The following AQR variants were observed in gnomAD, a reference collection of about 807,000 sequenced individuals.
AQR encodes RNA helicase aquarius.
AQR carries 61 observed loss-of-function variants against 180.5 expected under a neutral mutation model. The observed-to-expected ratio is 0.34, with a 90% CI of 0.28 to 0.42. The LOEUF (loss-of-function observed/expected upper bound fraction) is 0.42, where lower values mean the gene tolerates loss of function less well. AQR is among the 10% of genes least tolerant of loss of function. The pLI is 1.00. For missense variants in AQR, 1,281 were observed against 1,798.3 expected (o/e 0.71, Z 5.20); for synonymous variants, 551 against 588.8 (o/e 0.94, Z 0.93).
At chr15:34,890,051 AC>A (rs1032039662) in intron 24 of AQR, among the ~76,000 whole-genome samples, 163 bp downstream of exon 24, 3 of 152,236 alleles carry the variant, frequency 2.0e-5, no homozygotes, top group African/African-American at 7.2e-5. Flanking sequence ...GAACTGAGGG[AC>A]ATCATGACCA....
chr15:34,910,109 T>C (rs764783200), intron 17 of AQR, 26 bp downstream of exon 17: 23 of 1,610,738 alleles, frequency 1.4e-5, no homozygotes, highest in Middle Eastern at 1.6e-4. Context: ...CAAAAGGTAA[T>C]GTCACTTTTT....
chr15:34,912,238 T>C lies in AQR; in HGVS notation c.1485-1925A>G, dbSNP rs141282807. Among the ~76,000 whole-genome samples the C allele has an allele frequency of 3.5e-4, 53 of 152,274 alleles. 1 individual carries two copies. The East Asian group carries it at 8.7e-3, about 25-fold the overall frequency. On this transcript the variant is annotated intron_variant, in intron 16 of 34. Transcript: ENST00000156471. ...CCAGCTTTGTTCTTCTTGATCAAGA[T>C]TGCTTTAGCTATTCAGGGTCTCTTC...
At chr15:34,858,335 A>G (rs1198838244) in intron 34 of AQR, among the ~76,000 whole-genome samples, 1 of 150,968 alleles carries the variant, frequency 6.6e-6, no homozygotes, top group African/African-American at 2.4e-5. Flanking sequence ...AAAAAAAAAA[A>G]AAAAAAGAAA....
chr15:34,962,204 G>T (rs2050283666), intron 2 of AQR, among the ~76,000 whole-genome samples: 1 of 151,808 alleles, frequency 6.6e-6, no homozygotes, highest in East Asian at 1.9e-4. Flanking sequence ...TGTATTTTTG[G>T]TAGAGATGGG....
At chr15:34,873,083 T>G (rs1892843236) in intron 30 of AQR, among the ~76,000 whole-genome samples, 1 of 152,112 alleles carries the variant, frequency 6.6e-6, no homozygotes, top group Non-Finnish European at 1.5e-5. Flanking sequence ...TCTTAGTGGC[T>G]ATCTAGTATT....
At chr15:34,920,252 T>C (rs1893663509) in intron 14 of AQR, 80 bp downstream of exon 14, 4 of 966,972 alleles carry the variant, frequency 4.1e-6, no homozygotes, top group Non-Finnish European at 6.1e-6. Flanking sequence ...CAAAAAAATC[T>C]ATATGAACCT....
chr15:34,962,956 G>A (rs182599466), intron 2 of AQR, among the ~76,000 whole-genome samples: 113 of 152,180 alleles, frequency 7.4e-4, no homozygotes, highest in African/African-American at 2.6e-3. Flanking sequence ...GGTATGCAGT[G>A]TCAACATCTA....
chr15:34,933,635 T>C (rs1893900073), intron 10 of AQR, among the ~76,000 whole-genome samples: 1 of 152,178 alleles, frequency 6.6e-6, no homozygotes, highest in Admixed American at 6.5e-5. Flanking sequence ...TGACACAAAA[T>C]AAATTGTCAC....
At chr15:34,912,495 T>C (rs1464330711) in intron 16 of AQR, among the ~76,000 whole-genome samples, 5 of 152,116 alleles carry the variant, frequency 3.3e-5, no homozygotes, top group Admixed American at 6.5e-5. Context: ...TTCTATATTT[T>C]AAGTATTTCT....
At chr15:34,946,948 C>G (rs1308157198) in intron 5 of AQR, among the ~76,000 whole-genome samples, 2 of 150,024 alleles carry the variant, frequency 1.3e-5, no homozygotes, top group Admixed American at 6.6e-5. Context: ...CGCCTCTGCC[C>G]GGCCGCGCCT....
intron 1 of AQR, among the ~76,000 whole-genome samples, chr15:34,967,775 G>A (rs1028836355): frequency 2.0e-5 from 3 of 152,140 alleles, no homozygotes; most frequent in Admixed American, 6.5e-5. Flanking sequence ...GATTTCAGCC[G>A]TTAACCTAAG....
At chr15:34,899,113 T>G (rs890887169) in intron 20 of AQR, among the ~76,000 whole-genome samples, 4 of 149,986 alleles carry the variant, frequency 2.7e-5, no homozygotes, top group Admixed American at 2.7e-4. Flanking sequence ...GAGCTTGCAG[T>G]GAGCAGAGAC....
intron 18 of AQR, 66 bp from the exon 19 acceptor site, chr15:34,904,571 G>T: frequency 7.0e-7 from 1 of 1,434,108 alleles, no homozygotes; most frequent in Non-Finnish European, 9.4e-7. Flanking sequence ...TAAGTTAACA[G>T]TATTTCTTTT....
intron 1 of AQR, among the ~76,000 whole-genome samples, chr15:34,965,413 G>T (rs7170280): frequency 0.61 from 93,271 of 151,968 alleles, 30,907 homozygotes; most frequent in South Asian, 0.77. Flanking sequence ...GCTCATGCCT[G>T]TAATCTCAGA....
At chr15:34,895,029 G>C (rs930354638) in intron 22 of AQR, among the ~76,000 whole-genome samples, 1 of 149,846 alleles carries the variant, frequency 6.7e-6, no homozygotes, top group Non-Finnish European at 1.5e-5. Flanking sequence ...TCAGCTGGCC[G>C]TGGTGGTGCA....
In AQR at chr15:34,904,630, C is replaced by T. The variant is rs992495197; in HGVS notation, c.1832-125G>A. 1.2e-5 allele frequency: 10 copies of T among 866,568 alleles called. No individual in the cohort carries two copies. In the African/African-American group the frequency reaches 1.6e-4, roughly 14 times the overall value. The allele number at this position is 866,568 out of a possible 1,614,324, so 53.7% of individuals were successfully genotyped here. A position where few individuals can be genotyped will look rare whatever the true frequency, so the allele number is the denominator to read the frequency against. ...CAGGCTTAACTCCAACCATTCTTCC[C>T]AAAGTAGAATGCCCTCCACTCACCC... On this transcript the variant is annotated intron_variant, in intron 18 of 34. Transcript: ENST00000156471.
chr15:34,867,844 C>T (rs1293541944), intron 31 of AQR: 4 of 354,788 alleles, frequency 1.1e-5, no homozygotes, highest in African/African-American at 2.2e-5. Flanking sequence ...TTTACCTTTG[C>T]TGATAACTAA....
At chr15:34,921,694 G>C (rs1350101490) in intron 13 of AQR, among the ~76,000 whole-genome samples, 2 of 151,996 alleles carry the variant, frequency 1.3e-5, no homozygotes, top group African/African-American at 4.8e-5. Context: ...AATCCCTTAT[G>C]CTAATTTATA....
chr15:34,897,525 T>C, intron 21 of AQR, 34 bp downstream of exon 21: 1 of 1,608,088 alleles, frequency 6.2e-7, no homozygotes. Flanking sequence ...AAACTATTGT[T>C]CATCATTACA....
Sources: gnomAD v4.1 joint callset for allele counts (sites outside exome capture counted in the v4.1 genomes callset) on GRCh38, gnomAD v4.1.1 for gene constraint, MANE v1.5 for transcripts, NCBI Gene and HGNC (gene_info 2026-07-23, HGNC 2026-07-21) for gene names.